ADAD2: variants seen among roughly 807,000 people sequenced by gnomAD.
The protein encoded by ADAD2 is adenosine deaminase domain containing 2, also known as adenosine deaminase domain-containing protein 2.
Under a neutral mutation model 54.5 loss-of-function variants are expected in ADAD2, and 60 were observed. That is an observed-to-expected ratio of 1.10 (90% CI 0.89 to 1.36). The LOEUF (loss-of-function observed/expected upper bound fraction) is 1.36. Among genes scored for constraint, ADAD2 ranks in the 40% most tolerant of loss-of-function variants. The pLI is 0.00. For missense variants in ADAD2, 1,103 were observed against 801.3 expected, an observed-to-expected ratio of 1.38 and a Z score of -4.54; for synonymous variants, 543 against 366.2, an observed-to-expected ratio of 1.48 and a Z score of -5.51.
intron 1 of ADAD2, chr16:84,194,200 A>G (rs1473961793): frequency 6.4e-7 from 1 of 1,573,104 alleles, no homozygotes; most frequent in East Asian, 2.3e-5. Flanking sequence ...GGAGTCACGC[A>G]TCCCTGCTGT....
rs567274782 is a variant in ADAD2 at position 84,195,911 on chromosome 16, G to A, written c.1149G>A (p.Ala383=). ...LGQLKPVCYV[A]PSLCDTHVGC... Reference sequence around the variant, plus strand: ...AGCTGAAGCCTGTGTGCTACGTGGCGCCCTCGCTCTGTGACACCCACGTGG... The same window carrying A: ...AGCTGAAGCCTGTGTGCTACGTGGCACCCTCGCTCTGTGACACCCACGTGG... Residue 383 remains alanine (A), a synonymous_variant, in exon 7 of 10, where the codon GCG becomes GCA. Transcript: ENST00000315906. 113 of 1,600,744 alleles carry A rather than the reference G, an allele frequency of 7.1e-5. 2 individuals are homozygous for A. The East Asian group carries it at 1.6e-3, about 22-fold the overall frequency.
chr16:84,191,474 C>A lies in ADAD2; in HGVS notation c.244C>A (p.Arg82=). 1 of 1,537,876 alleles carries A rather than the reference C, an allele frequency of 6.5e-7. No homozygotes were observed. The highest frequency in any genetic ancestry group is 8.7e-7 in the Non-Finnish European group (1 of 1,143,932). ...GAGVGELGAA[R]AWENLGEQMG... is the part of the protein sequence containing the mutation. ...CGGAGTCGGGGAACTGGGGGCAGCC[C>A]GGGCGTGGGAAAACTTGGGGGAACA... Residue 82 remains arginine, a synonymous_variant, in exon 1 of 10, where the codon CGG becomes AGG. Transcript: ENST00000315906.
Position 84,195,077 on chromosome 16 carries a change from C to G in ADAD2, c.616C>G (p.Leu206Val), listed in dbSNP as rs1415831310. 3.1e-6 allele frequency: 5 copies of G among 1,613,540 alleles called. No homozygotes were observed. The highest frequency in any genetic ancestry group is 1.7e-5 in the Admixed American group (1 of 59,990). Residue 206 changes from leucine to valine, a missense_variant, in exon 4 of 10, where the codon CTG (leucine) becomes GTG (valine). Leu to Val is a conservative substitution (Grantham distance 32). Coordinates refer to ENST00000315906, the MANE Select transcript of ADAD2 (RefSeq NM_001145400.2). The stretch of plus-strand genomic sequence containing the variant: ...CTCTCGCCCTGGCGCAGAGAACATC[C>G]TGACCCATGAGCAGCGCTGCGCAGC... ...PLAPLSVENI[L>V]THEQRCAALV...
chr16:84,195,558 A>G lies in ADAD2; in HGVS notation c.913A>G (p.Thr305Ala), dbSNP rs1310838010. The part of the protein sequence containing the change: ...RFLFRQLLLA[T>A]QGGPKGKEQS... ...CTTGTTCCGGCAGCTCCTGCTGGCCACACAGGGGGGCCCCAAGGGCAAGGA... is the reference window on the plus strand; with the variant it reads ...CTTGTTCCGGCAGCTCCTGCTGGCCGCACAGGGGGGCCCCAAGGGCAAGGA... Residue 305 changes from threonine to alanine, a missense_variant, in exon 6 of 10, where the codon ACA becomes GCA. Physicochemically the swap from Thr to Ala is moderately conservative, Grantham distance 58 (BLOSUM62 0). Coordinates refer to ENST00000315906, the MANE Select transcript of ADAD2 (RefSeq NM_001145400.2). 2.5e-6 allele frequency: 4 copies of G among 1,598,654 alleles called. No homozygotes were observed. The highest frequency in any genetic ancestry group is 2.7e-5 in the African/African-American group (2 of 74,426).
chr16:84,195,242 G>C (rs1334055569), intron 4 of ADAD2, 48 bp downstream of exon 4: 1 of 1,610,378 alleles, frequency 6.2e-7, no homozygotes, highest in Admixed American at 1.7e-5. Context: ...CCTGGGAAGG[G>C]CCCCCTCAAG....
chr16:84,194,651 G>C, intron 2 of ADAD2, 69 bp downstream of exon 2: 1 of 1,554,482 alleles, frequency 6.4e-7, no homozygotes, highest in South Asian at 1.2e-5. Context: ...GCAGTCCCGT[G>C]GGGAGGCGGA....
In ADAD2 at chr16:84,194,485, G is replaced by A; in HGVS notation, c.462G>A (p.Val154=). 1 of 1,611,098 alleles carries A rather than the reference G, an allele frequency of 6.2e-7. No homozygotes were observed. The highest frequency in any genetic ancestry group is 1.1e-5 in the South Asian group (1 of 90,658). The change falls in exon 2 of 10, where the codon GTG becomes GTA. Residue 154 remains valine (V), a synonymous_variant. Transcript: ENST00000315906. ...CGGTGAGCGCGGAACTGGATGGGGT[G>A]GTCTGCCCTGCGGGCACTGCGAATA... ...PFSVSAELDG[V]VCPAGTANSK...
chr16:84,195,730 G>A (rs1293525444), intron 6 of ADAD2, 33 bp downstream of exon 6: 3 of 1,528,996 alleles, frequency 2.0e-6, no homozygotes, highest in Non-Finnish European at 2.6e-6. Context: ...GCGGGGGATG[G>A]GGCTCCCTCG....
Position 84,194,970 on chromosome 16 carries a change from C to G in ADAD2, c.597C>G (p.Pro199=), listed in dbSNP as rs766205972. Residue 199 remains proline, a synonymous_variant, in exon 3 of 10, where the codon CCC becomes CCG. Transcript: ENST00000315906. ...CCTCCAGCCGGCCTCCACTGGCCCC[C>G]CTGAGCGTAGGTAGGTGAGCATTCC... ...PQTSSRPPLA[P]LSVENILTHE... is the part of the protein sequence containing the mutation. The G allele has an allele frequency of 9.9e-6, 16 of 1,611,646 alleles. No homozygotes were observed. The highest frequency in any genetic ancestry group is 3.3e-5 in the Admixed American group (2 of 59,794).
intron 8 of ADAD2, 46 bp from the exon 9 acceptor site, chr16:84,196,601 C>A: frequency 6.3e-7 from 1 of 1,599,378 alleles, no homozygotes. Flanking sequence ...GCCTGCTGGT[C>A]CAGCTTGTAT....
chr16:84,194,282 C>T (rs761450891), intron 1 of ADAD2, 160 bp from the exon 2 acceptor site: 372 of 1,549,606 alleles, frequency 2.4e-4, no homozygotes, highest in Non-Finnish European at 3.1e-4. Context: ...AGGGTGTGCG[C>T]GGCATGGGGT....
At position 84,197,046 on chromosome 16, in the gene ADAD2, G is replaced by C; in HGVS notation, c.*72G>C. 1 of 1,448,348 alleles carries C rather than the reference G, an allele frequency of 6.9e-7. No individual in the cohort carries two copies. Among genetic ancestry groups the C allele is most frequent in the Non-Finnish European group, 9.4e-7 (1 of 1,059,942 alleles). 89.7% of individuals were successfully genotyped at this position (1,448,348 alleles called of 1,614,324 possible). A position where few individuals can be genotyped will look rare whatever the true frequency, so the allele number is the denominator to read the frequency against. ...GCTGGGGGAGTGCCCTATCTGAGGA[G>C]CGTTGTGGGGAGAACATGGGTTGTG... On this transcript the variant is annotated 3_prime_UTR_variant, in exon 10 of 10. Transcript: ENST00000315906.
chr16:84,196,580 G>C, intron 8 of ADAD2, 67 bp from the exon 9 acceptor site: 1 of 1,586,734 alleles, frequency 6.3e-7, no homozygotes, highest in Non-Finnish European at 8.6e-7. Context: ...GTAGTGTGAG[G>C]TGTGTAGCAG....
chr16:84,194,622 G>T, intron 2 of ADAD2, 40 bp downstream of exon 2: 2 of 1,579,494 alleles, frequency 1.3e-6, no homozygotes, highest in South Asian at 1.2e-5. Flanking sequence ...CGCAGCTGGG[G>T]ACAAGAGGAC....
At chr16:84,194,786 C>T (rs1256148994) in intron 2 of ADAD2, 147 bp from the exon 3 acceptor site, 3 of 1,265,864 alleles carry the variant, frequency 2.4e-6, no homozygotes, top group African/African-American at 3.0e-5. Flanking sequence ...TCTGGGGACA[C>T]CGGGGGTAGG....
chr16:84,191,279 C>T lies in ADAD2; in HGVS notation c.49C>T (p.Pro17Ser). The T allele has an allele frequency of 1.2e-6, 2 of 1,603,012 alleles. No homozygotes were observed. Among genetic ancestry groups the T allele is most frequent in the East Asian group, 2.2e-5 (1 of 44,628 alleles). The change falls in exon 1 of 10, where the codon CCC (proline) becomes TCC (serine). Residue 17 changes from proline to serine, a missense_variant. Physicochemically the swap from Pro to Ser is moderately conservative, Grantham distance 74. Coordinates refer to ENST00000315906, the MANE Select transcript of ADAD2 (RefSeq NM_001145400.2). Reference sequence around the variant, plus strand: ...TGACGACGACGGCAGTCGTAGGAAGCCCCGCCTGGCTGCATCGTTGCAGAT... The same window carrying T: ...TGACGACGACGGCAGTCGTAGGAAGTCCCGCCTGGCTGCATCGTTGCAGAT... The part of the protein sequence containing the change: ...GADDDGSRRK[P>S]RLAASLQISP...
At position 84,194,518 on chromosome 16, in the gene ADAD2, G is replaced by C; in HGVS notation, c.495G>C (p.Thr165=). 1 of 1,612,422 alleles carries C rather than the reference G, an allele frequency of 6.2e-7. No individual in the cohort carries two copies. Among genetic ancestry groups the C allele is most frequent in the Non-Finnish European group, 8.5e-7 (1 of 1,179,554 alleles). The change falls in exon 2 of 10, where the codon ACG becomes ACC. Residue 165 remains threonine, a synonymous_variant. Coordinates refer to ENST00000315906, the MANE Select transcript of ADAD2 (RefSeq NM_001145400.2). Reference sequence around the variant, plus strand: ...CTGCGGGCACTGCGAATAGCAAGACGGAGGCCAAACAGCAGGCAGCGCTCT... The same window carrying C: ...CTGCGGGCACTGCGAATAGCAAGACCGAGGCCAAACAGCAGGCAGCGCTCT... ...VCPAGTANSK[T]EAKQQAALSA... is the part of the protein sequence containing the mutation.
At position 84,195,369 on chromosome 16, in the gene ADAD2, T is replaced by C; in HGVS notation, c.807T>C (p.Cys269=). The C allele has an allele frequency of 6.2e-7, 1 of 1,609,576 alleles. No individual in the cohort carries two copies. The highest frequency in any genetic ancestry group is 1.7e-5 in the Admixed American group (1 of 59,916). ...CTCTGGGCACCGGCAGCAGCTGCTG[T>C]GCTGGCTGGCTGGAGTTCTCGGGCC... is the stretch of plus-strand genomic sequence containing the variant. The part of the protein sequence containing the change: ...LVALGTGSSC[C]AGWLEFSGQQ... The change falls in exon 5 of 10, where the codon TGT becomes TGC. Residue 269 remains cysteine, a synonymous_variant. Coordinates refer to ENST00000315906, the MANE Select transcript of ADAD2 (RefSeq NM_001145400.2).
Position 84,196,950 on chromosome 16 carries a change from A to G in ADAD2, c.1728A>G (p.Pro576=). 1 of 1,604,274 alleles carries G rather than the reference A, an allele frequency of 6.2e-7. No individual in the cohort carries two copies. The highest frequency in any genetic ancestry group is 1.1e-5 in the South Asian group (1 of 89,376). The change falls in exon 10 of 10, where the codon CCA becomes CCG. Residue 576 remains proline, a synonymous_variant. Coordinates refer to ENST00000315906, the MANE Select transcript of ADAD2 (RefSeq NM_001145400.2). The part of the protein sequence containing the change: ...QQGLGAWPSK[P]LVGKFRN The stretch of plus-strand genomic sequence containing the variant: ...GCCTGGGGGCTTGGCCCTCGAAGCC[A>G]CTGGTGGGCAAATTCAGAAACTGAA...
Sources: gnomAD v4.1 joint callset for allele counts on GRCh38, gnomAD v4.1.1 for gene constraint, MANE v1.5 for transcripts, NCBI Gene and HGNC (gene_info 2026-07-23, HGNC 2026-07-21) for gene names.